Variants in XKR9 observed in about 807,000 individuals in gnomAD.
XKR9 encodes the protein XK-related protein 9.
Under a neutral mutation model 32.0 loss-of-function variants are expected in XKR9, and 32 were observed. The ratio of observed to expected loss-of-function variants is 1.00; its 90% CI spans 0.76 to 1.34. The LOEUF (loss-of-function observed/expected upper bound fraction) is 1.34. Ranked by LOEUF, XKR9 falls within the 40% of genes most tolerant of loss-of-function variation. XKR9 has a pLI of 0.00. For synonymous variants in XKR9, 168 were observed against 143.4 expected (o/e 1.17, Z -1.22); for missense variants, 546 against 429.7 (o/e 1.27, Z -2.39).
intron 3 of XKR9, among the ~76,000 whole-genome samples, chr8:70,704,676 T>C (rs1805658379): frequency 6.6e-6 from 1 of 152,200 alleles, no homozygotes; most frequent in Non-Finnish European, 1.5e-5. Context: ...GTAATAATTA[T>C]GCTCTGGGTA....
chr8:70,831,173 C>T, the XKR9 span, among the ~76,000 whole-genome samples: 28 of 151,636 alleles, frequency 1.8e-4, no homozygotes, highest in Non-Finnish European at 2.9e-4. Flanking sequence ...CGCCTGTAAT[C>T]CCAGCTACTC....
intron 2 of XKR9, among the ~76,000 whole-genome samples, chr8:70,760,810 C>G (rs1459373435): frequency 6.6e-6 from 1 of 152,108 alleles, no homozygotes; most frequent in Non-Finnish European, 1.5e-5. Flanking sequence ...ATTTAATCAT[C>G]CAGGTATTAA....
intron 4 of XKR9, among the ~76,000 whole-genome samples, chr8:70,718,327 T>C (rs561259373): frequency 2.0e-5 from 3 of 152,034 alleles, no homozygotes; most frequent in African/African-American, 7.2e-5. Context: ...TGTTTTACTT[T>C]AAGTTCTGGG....
intron 2 of XKR9, among the ~76,000 whole-genome samples, chr8:70,765,846 CA>C (rs1807368232): frequency 6.6e-6 from 1 of 152,300 alleles, no homozygotes; most frequent in East Asian, 1.9e-4. Flanking sequence ...TTTCCAGCAC[CA>C]TTTATTAAAT....
chr8:70,821,120 C>A, the XKR9 span, among the ~76,000 whole-genome samples: 1 of 152,188 alleles, frequency 6.6e-6, no homozygotes, highest in Admixed American at 6.5e-5. Flanking sequence ...AGGATACAGG[C>A]ATTGGGTAAA....
chr8:70,894,843 T>A, the XKR9 span, among the ~76,000 whole-genome samples: 1 of 152,040 alleles, frequency 6.6e-6, no homozygotes, highest in Non-Finnish European at 1.5e-5. Flanking sequence ...ACAGCTCAGC[T>A]TGGGGCTGTT....
At chr8:70,917,518 G>T in the XKR9 span, among the ~76,000 whole-genome samples, 1 of 151,948 alleles carries the variant, frequency 6.6e-6, no homozygotes, top group South Asian at 2.1e-4. Flanking sequence ...GGTATTAAAT[G>T]CATTTTGACT....
the XKR9 span, among the ~76,000 whole-genome samples, chr8:70,854,992 C>A: frequency 6.6e-6 from 1 of 152,126 alleles, no homozygotes; most frequent in East Asian, 1.9e-4. Context: ...TTAGGATTGA[C>A]TTGGCAATGC....
chr8:70,745,890 A>C (rs1210862315), intron 2 of XKR9, among the ~76,000 whole-genome samples: 1 of 152,196 alleles, frequency 6.6e-6, no homozygotes, highest in South Asian at 2.1e-4. Context: ...TATATAATGC[A>C]TCTCTAACTC....
chr8:71,008,338 C>T, the XKR9 span, among the ~76,000 whole-genome samples: 1 of 152,180 alleles, frequency 6.6e-6, no homozygotes, highest in Non-Finnish European at 1.5e-5. Flanking sequence ...TCAAATTCCC[C>T]TTGCTCCACA....
the XKR9 span, among the ~76,000 whole-genome samples, chr8:70,835,745 A>G: frequency 6.6e-6 from 1 of 152,046 alleles, no homozygotes; most frequent in African/African-American, 2.4e-5. Context: ...GTAGTAGACT[A>G]CCTAAGGGCA....
chr8:70,941,033 G>T, the XKR9 span, among the ~76,000 whole-genome samples: 2 of 151,982 alleles, frequency 1.3e-5, no homozygotes, highest in Non-Finnish European at 2.9e-5. Flanking sequence ...CAATTCAGTG[G>T]CATTTAGTAC....
intron 1 of XKR9, among the ~76,000 whole-genome samples, chr8:70,674,115 G>A (rs1037937049): frequency 7.2e-5 from 11 of 152,036 alleles, no homozygotes; most frequent in African/African-American, 2.7e-4. Flanking sequence ...GTTATAGTGA[G>A]CTATGATTGT....
the XKR9 span, among the ~76,000 whole-genome samples, chr8:70,982,287 G>A: frequency 2.0e-5 from 3 of 152,328 alleles, no homozygotes; most frequent in East Asian, 5.8e-4. Context: ...GCCAGCGTGA[G>A]TAGAGAAAGA....
At chr8:71,034,963 G>T in the XKR9 span, among the ~76,000 whole-genome samples, 3 of 152,238 alleles carry the variant, frequency 2.0e-5, no homozygotes, top group Middle Eastern at 3.4e-3. Context: ...GCACATAGCA[G>T]TTCTCAACTA....
chr8:70,832,271 C>T, the XKR9 span, among the ~76,000 whole-genome samples: 13 of 152,238 alleles, frequency 8.5e-5, no homozygotes, highest in East Asian at 1.9e-4. Flanking sequence ...CAAATTTCAA[C>T]GAACAAAGGA....
intron 3 of XKR9, among the ~76,000 whole-genome samples, chr8:70,700,992 G>T (rs184803699): frequency 1.4e-3 from 214 of 152,350 alleles, no homozygotes; most frequent in African/African-American, 2.2e-3. Context: ...CTCCGAGCCA[G>T]GTGTGGGATA....
At chr8:70,825,566 C>G in the XKR9 span, among the ~76,000 whole-genome samples, 1 of 152,084 alleles carries the variant, frequency 6.6e-6, no homozygotes, top group African/African-American at 2.4e-5. Flanking sequence ...ACGACATTTC[C>G]TTGAATGATT....
chr8:70,810,940 C>T, the XKR9 span, among the ~76,000 whole-genome samples: 1 of 152,132 alleles, frequency 6.6e-6, no homozygotes, highest in African/African-American at 2.4e-5. Flanking sequence ...CCAAGTGGAC[C>T]TAAGAGACAT....
Sources: gnomAD v4.1 joint callset for allele counts (sites outside exome capture counted in the v4.1 genomes callset) on GRCh38, gnomAD v4.1.1 for gene constraint, MANE v1.5 for transcripts, NCBI Gene and HGNC (gene_info 2026-07-23, HGNC 2026-07-21) for gene names.